IFNG-AS1: variants seen among roughly 807,000 people sequenced by gnomAD.
The protein encoded by IFNG-AS1 is IFNG antisense RNA 1 (non-protein coding).
chr12:67,994,471 T>C (rs1465358972), intron 1 of IFNG-AS1, among the ~76,000 whole-genome samples: 4 of 152,222 alleles, frequency 2.6e-5, no homozygotes, highest in Admixed American at 6.5e-5. Flanking sequence ...CCTACACTTA[T>C]TTCTTGAGTA....
At chr12:68,012,269 G>A (rs2120466584) in intron 3 of IFNG-AS1, among the ~76,000 whole-genome samples, 1 of 152,230 alleles carries the variant, frequency 6.6e-6, no homozygotes, top group Admixed American at 6.5e-5. Context: ...CACCGGCCAG[G>A]ACTGGAGAGA....
chr12:67,993,807 CT>C (rs1224747367), intron 1 of IFNG-AS1, among the ~76,000 whole-genome samples: 1 of 152,028 alleles, frequency 6.6e-6, no homozygotes, highest in East Asian at 1.9e-4. Context: ...TTTGACTTTC[CT>C]TTTATTTTTC....
chr12:67,999,453 GA>G (rs1879716893), intron 2 of IFNG-AS1, among the ~76,000 whole-genome samples: 1 of 152,298 alleles, frequency 6.6e-6, no homozygotes, highest in African/African-American at 2.4e-5. Flanking sequence ...TCTTGTGCCA[GA>G]AAGAAAAGAA....
At position 68,006,119 on chromosome 12, in the gene IFNG-AS1, A is replaced by T. The variant is rs535232720; in HGVS notation, n.214A>T. On this transcript the variant is annotated non_coding_transcript_exon_variant, in exon 3 of 6. Transcript: ENST00000536914. Reference sequence around the variant, plus strand: ...AAACGCTGGAGGAGAAGTCAGTAGCAAGCAGCTAAGACAACATGGTACATG... The same window carrying T: ...AAACGCTGGAGGAGAAGTCAGTAGCTAGCAGCTAAGACAACATGGTACATG... 5 of 152,354 alleles carry T rather than the reference A, an allele frequency of 3.3e-5. No individual in the cohort carries two copies. In the South Asian group the frequency reaches 1.0e-3, roughly 32 times the overall value. 9.4% of individuals were successfully genotyped at this position (152,354 alleles called of 1,614,324 possible).
At chr12:67,999,907 T>G (rs561554306) in intron 2 of IFNG-AS1, among the ~76,000 whole-genome samples, 447 of 152,226 alleles carry the variant, frequency 2.9e-3, no homozygotes, top group Middle Eastern at 6.8e-3. Context: ...TCACCAATAA[T>G]AAGAAGTATT....
At chr12:67,989,788 CT>C (rs1272527261) in intron 1 of IFNG-AS1, among the ~76,000 whole-genome samples, 1 of 152,130 alleles carries the variant, frequency 6.6e-6, no homozygotes, top group Non-Finnish European at 1.5e-5. Context: ...GCTGGAATGT[CT>C]CCACTGAGCT....
intron 1 of IFNG-AS1, among the ~76,000 whole-genome samples, chr12:67,993,166 T>G (rs915683141): frequency 1.3e-5 from 2 of 152,170 alleles, no homozygotes; most frequent in African/African-American, 4.8e-5. Context: ...AAGAATTTCT[T>G]TTTCTTTATT....
At chr12:68,002,041 G>T (rs1362994901) in intron 2 of IFNG-AS1, among the ~76,000 whole-genome samples, 1 of 152,178 alleles carries the variant, frequency 6.6e-6, no homozygotes, top group Middle Eastern at 3.2e-3. Flanking sequence ...ATTGAAATAA[G>T]TTGGCAGTGT....
chr12:68,006,684 C>T (rs910537934), intron 3 of IFNG-AS1, among the ~76,000 whole-genome samples: 1 of 152,164 alleles, frequency 6.6e-6, no homozygotes, highest in Non-Finnish European at 1.5e-5. Context: ...TAGCTGGAAG[C>T]CTTTTTAAAG....
At chr12:68,011,566 G>A (rs1337120250) in intron 3 of IFNG-AS1, among the ~76,000 whole-genome samples, 5 of 152,096 alleles carry the variant, frequency 3.3e-5, no homozygotes, top group East Asian at 1.9e-4. Context: ...CAGCAAATTC[G>A]AGCTCCCAAT....
At chr12:68,003,861 C>T (rs372860194) in intron 2 of IFNG-AS1, among the ~76,000 whole-genome samples, 19 of 150,402 alleles carry the variant, frequency 1.3e-4, no homozygotes, top group African/African-American at 4.2e-4. Flanking sequence ...GAACCGAGAT[C>T]GCCCCACTGC....
At chr12:68,012,326 C>G (rs948048701) in intron 3 of IFNG-AS1, among the ~76,000 whole-genome samples, 4 of 152,262 alleles carry the variant, frequency 2.6e-5, no homozygotes, top group African/African-American at 9.6e-5. Flanking sequence ...ATATGAGGCT[C>G]TCTTCTATCC....
intron 3 of IFNG-AS1, among the ~76,000 whole-genome samples, chr12:68,007,763 T>G (rs1183248422): frequency 6.6e-6 from 1 of 152,200 alleles, no homozygotes; most frequent in East Asian, 1.9e-4. Context: ...GAAGGCTACT[T>G]AGCCATGACA....
chr12:67,994,630 C>T (rs969208123), intron 1 of IFNG-AS1, among the ~76,000 whole-genome samples: 2 of 152,184 alleles, frequency 1.3e-5, no homozygotes, highest in African/African-American at 4.8e-5. Flanking sequence ...AACATGTCTG[C>T]CGCTATTCTA....
At chr12:68,000,291 A>T (rs1415647769) in intron 2 of IFNG-AS1, among the ~76,000 whole-genome samples, 2 of 152,208 alleles carry the variant, frequency 1.3e-5, no homozygotes, top group Non-Finnish European at 2.9e-5. Context: ...ATTTAAAAAC[A>T]TTTCTACCTA....
At chr12:68,006,858 T>C (rs56370523) in intron 3 of IFNG-AS1, among the ~76,000 whole-genome samples, 6,397 of 152,246 alleles carry the variant, frequency 0.042, 316 homozygotes, top group African/African-American at 0.11. Flanking sequence ...AGCTGATCCC[T>C]TGACGGCAGC....
At chr12:68,008,850 C>T (rs548794163) in intron 3 of IFNG-AS1, among the ~76,000 whole-genome samples, 1 of 152,150 alleles carries the variant, frequency 6.6e-6, no homozygotes, top group East Asian at 1.9e-4. Flanking sequence ...CAGCTACCTA[C>T]AAGGGAGGAA....
intron 3 of IFNG-AS1, among the ~76,000 whole-genome samples, chr12:68,008,895 G>A (rs1329209211): frequency 6.6e-6 from 1 of 152,234 alleles, no homozygotes; most frequent in East Asian, 1.9e-4. Flanking sequence ...CCAATAAGAA[G>A]AGGCAGTAGA....
intron 3 of IFNG-AS1, among the ~76,000 whole-genome samples, chr12:68,010,319 G>GA (rs772250549): frequency 1.8e-4 from 27 of 152,052 alleles, no homozygotes; most frequent in Non-Finnish European, 2.9e-4. Context: ...CCTCTTTAAA[G>GA]AAAAAAAATT....
Sources: gnomAD v4.1 joint callset for allele counts (sites outside exome capture counted in the v4.1 genomes callset) on GRCh38, gnomAD v4.1.1 for gene constraint, MANE v1.5 for transcripts, NCBI Gene and HGNC (gene_info 2026-07-23, HGNC 2026-07-21) for gene names.